GRIA1: variants seen among roughly 807,000 people sequenced by gnomAD.
The protein encoded by GRIA1 is glutamate ionotropic receptor AMPA type subunit 1.
Under a neutral mutation model 99.2 loss-of-function variants are expected in GRIA1, and 31 were observed. The ratio of observed to expected loss-of-function variants is 0.31; its 90% CI spans 0.23 to 0.42. The LOEUF is 0.42. Ranked by LOEUF, GRIA1 falls within the 10% of genes least tolerant of loss-of-function variation. The pLI is 1.00. For missense variants in GRIA1, 782 were observed against 1,157.5 expected (o/e 0.68, Z 4.71); for synonymous variants, 438 against 432.4 (o/e 1.01, Z -0.16).
intron 2 of GRIA1, among the ~76,000 whole-genome samples, chr5:153,630,815 T>C (rs935771604): frequency 6.6e-6 from 1 of 152,176 alleles, no homozygotes; most frequent in East Asian, 1.9e-4. Context: ...TGTAGCAGCA[T>C]GGCTGTGGTG....
chr5:153,755,931 T>C (rs949754855), intron 11 of GRIA1, among the ~76,000 whole-genome samples: 24 of 152,226 alleles, frequency 1.6e-4, no homozygotes, highest in African/African-American at 5.1e-4. Context: ...ACTTTGTTCC[T>C]CAAAGGGCTT....
chr5:153,592,049 C>G (rs1233997465), intron 2 of GRIA1, among the ~76,000 whole-genome samples: 1 of 151,666 alleles, frequency 6.6e-6, no homozygotes, highest in East Asian at 1.9e-4. Context: ...CTTAGTTTTT[C>G]TTTCCCAGAG....
At chr5:153,651,032 T>C (rs898482553) in intron 4 of GRIA1, among the ~76,000 whole-genome samples, 4 of 151,990 alleles carry the variant, frequency 2.6e-5, no homozygotes, top group African/African-American at 9.7e-5. Context: ...TGAGCCAAGA[T>C]TGTGCTACTG....
chr5:153,678,710 C>G (rs1370189845), intron 7 of GRIA1, among the ~76,000 whole-genome samples: 1 of 152,332 alleles, frequency 6.6e-6, no homozygotes, highest in Non-Finnish European at 1.5e-5. Context: ...CCTTGCCTCT[C>G]CCATCTTAAT....
intron 11 of GRIA1, among the ~76,000 whole-genome samples, chr5:153,720,426 T>A (rs1477788144): frequency 6.6e-6 from 1 of 152,182 alleles, no homozygotes; most frequent in Non-Finnish European, 1.5e-5. Flanking sequence ...TCAAGAGATC[T>A]GAACACTAAA....
intron 13 of GRIA1, among the ~76,000 whole-genome samples, chr5:153,772,752 C>CAG (rs1763964619): frequency 6.6e-6 from 1 of 152,130 alleles, no homozygotes; most frequent in African/African-American, 2.4e-5. Context: ...GCTTTTATCT[C>CAG]AGAAACTTAT....
chr5:153,535,774 G>T (rs1050377721), intron 2 of GRIA1, among the ~76,000 whole-genome samples: 3 of 152,178 alleles, frequency 2.0e-5, no homozygotes, highest in African/African-American at 7.2e-5. Flanking sequence ...CAGTGGCAGT[G>T]CCACAATCCA....
At chr5:153,492,953 T>C (rs1476952697) in intron 1 of GRIA1, among the ~76,000 whole-genome samples, 7 of 152,194 alleles carry the variant, frequency 4.6e-5, no homozygotes, top group Admixed American at 2.6e-4. Context: ...TAGAAGTGCA[T>C]TATGTTTGGA....
rs1581593651 is a variant in GRIA1 at position 153,750,361 on chromosome 5, A to C, written c.1824-14073A>C. Among the ~76,000 whole-genome samples, 3 of 152,258 alleles carry C rather than the reference A, an allele frequency of 2.0e-5. No homozygotes were observed. The South Asian group carries it at 6.2e-4, about 32-fold the overall frequency. ...CTTTTTATAAATAGCCATTTGAAGA[A>C]GAGGACAAAGGGAAATAGGTTGCAC... On this transcript the variant is annotated intron_variant, in intron 11 of 15. Transcript: ENST00000285900.
At chr5:153,553,900 A>G (rs6880024) in intron 2 of GRIA1, among the ~76,000 whole-genome samples, 70,948 of 151,984 alleles carry the variant, frequency 0.47, 18,292 homozygotes, top group Non-Finnish European at 0.59. Flanking sequence ...TGGTGGCAGC[A>G]GGGGGGACCC....
chr5:153,681,600 C>T (rs1297882028), intron 7 of GRIA1, among the ~76,000 whole-genome samples: 2 of 152,158 alleles, frequency 1.3e-5, no homozygotes, highest in African/African-American at 4.8e-5. Flanking sequence ...AACCGTGGCT[C>T]CACGCAGAAC....
chr5:153,523,496 C>T (rs1293861609), intron 2 of GRIA1, among the ~76,000 whole-genome samples: 4 of 143,526 alleles, frequency 2.8e-5, no homozygotes, highest in Non-Finnish European at 6.1e-5. Context: ...ACCCTGAACT[C>T]AGACTGCTTT....
chr5:153,613,767 T>C (rs1277896870), intron 2 of GRIA1, among the ~76,000 whole-genome samples: 1 of 152,182 alleles, frequency 6.6e-6, no homozygotes, highest in Non-Finnish European at 1.5e-5. Flanking sequence ...TAAAGGGGCT[T>C]GAGAGAGGCA....
chr5:153,796,456 C>CA (rs1286092421), intron 14 of GRIA1, among the ~76,000 whole-genome samples: 2 of 152,056 alleles, frequency 1.3e-5, no homozygotes, highest in South Asian at 2.1e-4. Flanking sequence ...ATAATGACAA[C>CA]AAAAAAATAT....
chr5:153,644,330 T>C (rs1302685493), intron 2 of GRIA1, among the ~76,000 whole-genome samples: 4 of 152,070 alleles, frequency 2.6e-5, no homozygotes, highest in Admixed American at 6.6e-5. Flanking sequence ...GAGAAAATAG[T>C]GTGAGTGGCA....
At chr5:153,706,250 T>A in intron 11 of GRIA1, 183 bp downstream of exon 11, 2 of 635,168 alleles carry the variant, frequency 3.1e-6, no homozygotes, top group Non-Finnish European at 5.4e-6. Context: ...GATCATCCTG[T>A]AGCTGGGCCA....
rs1295206019 is a variant in GRIA1 at position 153,727,601 on chromosome 5, CAGAG to C, written c.1823+21537_1823+21540del. 8.5e-5 allele frequency among the ~76,000 whole-genome samples: 13 copies of C among 152,248 alleles called. No individual in the cohort carries two copies. In the East Asian group the frequency reaches 2.3e-3, roughly 27 times the overall value. ...TTCTTATACACCAATAACAGGCAAA[CAGAG>C]AGCCAAATCATGAGTGAACTCCCAT... is the stretch of plus-strand genomic sequence containing the variant. On this transcript the variant is annotated intron_variant, in intron 11 of 15. Coordinates refer to ENST00000285900, the MANE Select transcript of GRIA1 (RefSeq NM_000827.4).
At chr5:153,584,703 T>C (rs1426832046) in intron 2 of GRIA1, among the ~76,000 whole-genome samples, 2 of 152,348 alleles carry the variant, frequency 1.3e-5, no homozygotes, top group Admixed American at 6.5e-5. Context: ...AATGGAAATA[T>C]GAAGCCTGTT....
rs1237339436 is a variant in GRIA1 at position 153,632,687 on chromosome 5, G to A, written c.221-14241G>A. On this transcript the variant is annotated intron_variant, in intron 2 of 15. Transcript: ENST00000285900. ...CCTCACGTCACAGGTGAGCAGACCA[G>A]TACCTGTTCAATAAACCGTTATTGA... 5.9e-5 allele frequency among the ~76,000 whole-genome samples: 9 copies of A among 152,180 alleles called. 1 individual carries two copies.
Sources: gnomAD v4.1 joint callset for allele counts (sites outside exome capture counted in the v4.1 genomes callset) on GRCh38, gnomAD v4.1.1 for gene constraint, MANE v1.5 for transcripts, NCBI Gene and HGNC (gene_info 2026-07-23, HGNC 2026-07-21) for gene names.